Variants in KRT4 observed in about 807,000 individuals in gnomAD.
The protein encoded by KRT4 is keratin 4.
In KRT4, 47 loss-of-function variants were observed where a neutral mutation model predicts 50.6. The observed-to-expected ratio is 0.93, with a 90% CI of 0.73 to 1.18. KRT4 has a LOEUF of 1.18. Among genes scored for constraint, KRT4 ranks in the 50% most tolerant of loss-of-function variants. The pLI is 0.00. For synonymous variants in KRT4, 254 were observed against 251.2 expected (o/e 1.01, Z -0.10); for missense variants, 651 against 645.7 (o/e 1.01, Z -0.09).
chr12:52,811,924 G>A lies in KRT4; in HGVS notation c.516C>T (p.Leu172=). Residue 172 remains leucine (L), a synonymous_variant, in exon 2 of 9, where the codon CTC becomes CTT. Coordinates refer to ENST00000551956, the MANE Select transcript of KRT4 (RefSeq NM_002272.4). ...NKVLETKWNL[L]QQQTTTTSSK... ...TGGAGGTGGTGGTCGTCTGCTGCTG[G>A]AGCAGGTTCCATTTGGTCTCCAGGA... is the stretch of plus-strand genomic sequence containing the variant. 6.2e-7 allele frequency: 1 copy of A among 1,613,980 alleles called. No individual in the cohort carries two copies. The highest frequency in any genetic ancestry group is 8.5e-7 in the Non-Finnish European group (1 of 1,180,034).
In KRT4 at chr12:52,813,597, C is replaced by G; in HGVS notation, c.462G>C (p.Lys154Asn). The G allele has an allele frequency of 6.2e-7, 1 of 1,613,844 alleles. No homozygotes were observed. The highest frequency in any genetic ancestry group is 8.5e-7 in the Non-Finnish European group (1 of 1,179,802). Reference sequence around the variant, plus strand: ...CTCTCCAGCCGAGGACACAGCTCACCTTGTCGATGAAGGAGGCAAACTTGT... The same window carrying G: ...CTCTCCAGCCGAGGACACAGCTCACGTTGTCGATGAAGGAGGCAAACTTGT... The part of the protein sequence containing the change: ...LNNKFASFID[K>N]VQFLEQQNKV... Residue 154 changes from lysine (K) to asparagine (N), a missense_variant and splice_region_variant, in exon 1 of 9, where the codon AAG becomes AAC. Transcript: ENST00000551956.
rs1939802364 is a variant in KRT4, at chr12:52,806,725, T to C, written c.*344A>G. On this transcript the variant is annotated 3_prime_UTR_variant, in exon 9 of 9. Coordinates refer to ENST00000551956, the MANE Select transcript of KRT4 (RefSeq NM_002272.4). ...GGATAATACAGGATCTAGTGGGAGA[T>C]GGCATTGGACTGGGAAGGGACATAT... 5.3e-6 allele frequency: 2 copies of C among 380,850 alleles called. No homozygotes were observed. The highest frequency in any genetic ancestry group is 6.0e-5 in the East Asian group (1 of 16,732). 23.6% of individuals were successfully genotyped at this position (380,850 alleles called of 1,614,324 possible). A position where few individuals can be genotyped will look rare whatever the true frequency, so the allele number is the denominator to read the frequency against.
In KRT4 at chr12:52,810,749, C is replaced by T. The variant is rs1939895579; in HGVS notation, c.738+7G>A. On this transcript the variant is annotated splice_region_variant and intron_variant, in intron 3 of 8. Transcript: ENST00000551956. ...GAAGGCACTCCCTACCATCCTTCGT[C>T]TCTTACCTTCTTTAGGACCACAAAG... is the stretch of plus-strand genomic sequence containing the variant. 1 of 1,613,626 alleles carries T rather than the reference C, an allele frequency of 6.2e-7. No individual in the cohort carries two copies. Among genetic ancestry groups the T allele is most frequent in the African/African-American group, 1.3e-5 (1 of 74,920 alleles).
chr12:52,808,600 G>T lies in KRT4; in HGVS notation c.999+86C>A, dbSNP rs984882742. 2.6e-6 allele frequency: 4 copies of T among 1,526,320 alleles called. No individual in the cohort carries two copies. The African/African-American group carries it at 4.1e-5, about 16-fold the overall frequency. The allele number at this position is 1,526,320 out of a possible 1,614,324, so 94.5% of individuals were successfully genotyped here. ...TCTGTTCATATCTGACTTCTATTGG[G>T]CTTGAGCTAATGATCACCTGTTCAC... On this transcript the variant is annotated intron_variant, in intron 5 of 8. Transcript: ENST00000551956.
rs1376383100 is a variant in KRT4, at chr12:52,813,586, A to G, written c.462+11T>C. 4 of 1,612,466 alleles carry G rather than the reference A, an allele frequency of 2.5e-6. No individual in the cohort carries two copies. The African/African-American group carries it at 5.3e-5, about 22-fold the overall frequency. On this transcript the variant is annotated intron_variant, in intron 1 of 8. Transcript: ENST00000551956. Reference sequence around the variant, plus strand: ...TCTAACTGCCCCTCTCCAGCCGAGGACACAGCTCACCTTGTCGATGAAGGA... The same window carrying G: ...TCTAACTGCCCCTCTCCAGCCGAGGGCACAGCTCACCTTGTCGATGAAGGA...
chr12:52,806,904 C>T lies in KRT4; in HGVS notation c.*165G>A, dbSNP rs1939805498. The stretch of plus-strand genomic sequence containing the variant: ...AACTCCAAGAGGCAGAGTCCCTGTC[C>T]CAGCACAGAAGATCATCCTGGGGCA... On this transcript the variant is annotated 3_prime_UTR_variant, in exon 9 of 9. Coordinates refer to ENST00000551956, the MANE Select transcript of KRT4 (RefSeq NM_002272.4). 2.6e-6 allele frequency: 2 copies of T among 780,178 alleles called. No homozygotes were observed. Among genetic ancestry groups the T allele is most frequent in the African/African-American group, 1.7e-5 (1 of 58,380 alleles). 48.3% of individuals were successfully genotyped at this position (780,178 alleles called of 1,614,324 possible).
In KRT4 at chr12:52,813,931, G is replaced by T. The variant is rs1463406402; in HGVS notation, c.128C>A (p.Ser43Tyr). The T allele has an allele frequency of 1.3e-6, 2 of 1,574,214 alleles. No homozygotes were observed. The highest frequency in any genetic ancestry group is 3.0e-5 in the African/African-American group (2 of 67,148). Residue 43 changes from serine to tyrosine, a missense_variant, in exon 1 of 9, where the codon TCT becomes TAT. Ser to Tyr is a moderately radical substitution (Grantham distance 144, BLOSUM62 -2). Transcript: ENST00000551956. The part of the protein sequence containing the change: ...VSMSGGAGRC[S>Y]SGGFGSRSLY... ...GCTTCTGCTGCCAAATCCCCCAGAA[G>T]AGCATCGGCCAGCACCTCCAGACAT...
chr12:52,808,875 G>GC (rs761549493), intron 4 of KRT4, 25 bp from the exon 5 acceptor site: 59 of 1,613,390 alleles, frequency 3.7e-5, no homozygotes, highest in East Asian at 3.6e-4. Context: ...TCTCACATCA[G>GC]CCCCCCCAGG....
In KRT4 at chr12:52,807,830, T is replaced by A. The variant is rs1185328556; in HGVS notation, c.1160A>T (p.Glu387Val). 6.2e-7 allele frequency: 1 copy of A among 1,614,144 alleles called. No individual in the cohort carries two copies. Among genetic ancestry groups the A allele is most frequent in the South Asian group, 1.1e-5 (1 of 91,080 alleles). ...QTLQVSVADAEQRGENALKDA... is the reference protein window; with the variant it reads ...QTLQVSVADAVQRGENALKDA... ...TTTAAGGGCATTCTCACCTCGCTGC[T>A]CTGCATCAGCCACGGATACCTGAAG... The change falls in exon 7 of 9, where the codon GAG becomes GTG. Residue 387 changes from glutamate to valine, a missense_variant. By Grantham distance (121) the Glu-to-Val change is moderately radical. Coordinates refer to ENST00000551956, the MANE Select transcript of KRT4 (RefSeq NM_002272.4).
rs373947229 is a variant in KRT4 at position 52,807,246 on chromosome 12, C to T, written c.1386G>A (p.Val462=). ...GECQSAVSIS[V]VSGSTSTGGI... is the part of the protein sequence containing the mutation. The stretch of plus-strand genomic sequence containing the variant: ...CTCCAGTGCTGGTGCTACCGCTGAC[C>T]ACAGCTGCAGAAAAGACACAAAAGA... The change falls in exon 9 of 9, where the codon GTG becomes GTA. Residue 462 remains valine (V), a synonymous_variant. Transcript: ENST00000551956. 8.6e-5 allele frequency: 139 copies of T among 1,614,056 alleles called. No homozygotes were observed. The highest frequency in any genetic ancestry group is 1.1e-4 in the Non-Finnish European group (133 of 1,180,048).
At chr12:52,809,677 G>A (rs749173356) in intron 3 of KRT4, among the ~76,000 whole-genome samples, 199 bp from the exon 4 acceptor site, 2 of 152,180 alleles carry the variant, frequency 1.3e-5, no homozygotes, top group African/African-American at 2.4e-5. Flanking sequence ...ATCCAAATAG[G>A]CTATTCTAAC....
intron 3 of KRT4, among the ~76,000 whole-genome samples, 180 bp downstream of exon 3, chr12:52,810,576 C>A (rs1939892405): frequency 1.3e-5 from 2 of 152,090 alleles, no homozygotes; most frequent in African/African-American, 4.8e-5. Context: ...GCTTTCCTCC[C>A]AACCTTAATT....
In KRT4 at chr12:52,810,889, T is replaced by C. The variant is rs150595106; in HGVS notation, c.678-73A>G. On this transcript the variant is annotated intron_variant, in intron 2 of 8. Transcript: ENST00000551956. ...GTGTTTCTCAGATCTCTGCTGCTTG[T>C]TTTCAAGCATTTCCAAACAAATTTG... The C allele has an allele frequency of 5.1e-4, 639 of 1,243,528 alleles. 4 individuals are homozygous for C. In the African/African-American group the frequency reaches 8.0e-3, roughly 16 times the overall value. The allele number at this position is 1,243,528 out of a possible 1,614,324, so 77.0% of individuals were successfully genotyped here. A position where few individuals can be genotyped will look rare whatever the true frequency, so the allele number is the denominator to read the frequency against.
chr12:52,811,947 G>C lies in KRT4; in HGVS notation c.493C>G (p.Leu165Val). The C allele has an allele frequency of 1.2e-6, 2 of 1,613,892 alleles. No individual in the cohort carries two copies. The highest frequency in any genetic ancestry group is 2.2e-5 in the East Asian group (1 of 44,882). The change falls in exon 2 of 9, where the codon CTG (leucine) becomes GTG (valine). Residue 165 changes from leucine to valine, a missense_variant. Transcript: ENST00000551956. ...VQFLEQQNKV[L>V]ETKWNLLQQQ... ...TGGAGCAGGTTCCATTTGGTCTCCA[G>C]GACCTTATTCTGTTGCTCTAAGAAC...
chr12:52,808,110 G>A (rs1239966160), intron 6 of KRT4, among the ~76,000 whole-genome samples, 184 bp downstream of exon 6: 1 of 152,182 alleles, frequency 6.6e-6, no homozygotes, highest in Non-Finnish European at 1.5e-5. Flanking sequence ...ATGCACAGGA[G>A]CGTCATGGTG....
chr12:52,807,222 TC>T lies in KRT4; in HGVS notation c.1409del (p.Gly470GlufsTer7), dbSNP rs1322283432. On this transcript the variant is annotated frameshift_variant, in exon 9 of 9. Transcript: ENST00000551956. LOFTEE classifies it low-confidence loss of function (END_TRUNC). The stretch of plus-strand genomic sequence containing the variant: ...CACTTCCTAATCCTCCGCTGATGCC[TC>T]CAGTGCTGGTGCTACCGCTGACCAC... ...ISVVSGSTST[G>X]GISGGLGSGS... 1.9e-6 allele frequency: 3 copies of T among 1,614,080 alleles called. No individual in the cohort carries two copies. The highest frequency in any genetic ancestry group is 3.3e-4 in the Middle Eastern group (2 of 6,062).
At chr12:52,809,056 C>T (rs1361900730) in intron 4 of KRT4, 8 of 672,170 alleles carry the variant, frequency 1.2e-5, no homozygotes, top group Admixed American at 4.2e-5. Flanking sequence ...CCATAAGCCA[C>T]TCTAATGCAG....
At chr12:52,810,625 T>C (rs1349657772) in intron 3 of KRT4, 131 bp downstream of exon 3, 14 of 788,926 alleles carry the variant, frequency 1.8e-5, no homozygotes, top group Non-Finnish European at 2.9e-5. Context: ...TCCTTGACTA[T>C]ATAGATCTAG....
At chr12:52,810,579 C>A (rs984650628) in intron 3 of KRT4, among the ~76,000 whole-genome samples, 177 bp downstream of exon 3, 4 of 152,094 alleles carry the variant, frequency 2.6e-5, no homozygotes, top group South Asian at 2.1e-4. Flanking sequence ...TTCCTCCCAA[C>A]CTTAATTTCT....
Sources: allele counts gnomAD v4.1 joint callset (sites outside exome capture counted in the v4.1 genomes callset), GRCh38; gene constraint gnomAD v4.1.1; transcripts MANE v1.5; gene names NCBI Gene and HGNC (gene_info 2026-07-23, HGNC 2026-07-21).